CNNM2: variants seen among roughly 807,000 people sequenced by gnomAD.
CNNM2 encodes metal transporter CNNM2.
A neutral mutation model predicts 66.9 loss-of-function variants in CNNM2; 12 were observed. That is an observed-to-expected ratio of 0.18 (90% CI 0.11 to 0.29). CNNM2 has a LOEUF of 0.29. Among genes scored for constraint, CNNM2 ranks in the 10% least tolerant of loss-of-function variants. CNNM2 has a pLI of 1.00. For missense variants in CNNM2, 705 were observed against 1,167.7 expected (o/e 0.60, Z 5.77); for synonymous variants, 557 against 501.8 (o/e 1.11, Z -1.47).
At chr10:103,068,811 C>A in intron 5 of CNNM2, 89 bp downstream of exon 5, 2 of 1,035,590 alleles carry the variant, frequency 1.9e-6, no homozygotes, top group Non-Finnish European at 2.8e-6. Context: ...TATCTGCCAG[C>A]TGACCCCATT....
At chr10:102,985,151 T>C (rs1022429634) in intron 1 of CNNM2, among the ~76,000 whole-genome samples, 1 of 152,180 alleles carries the variant, frequency 6.6e-6, no homozygotes, top group African/African-American at 2.4e-5. Context: ...CTGCTTTGTG[T>C]AGGAAACCCT....
At chr10:102,948,024 G>A (rs918125777) in intron 1 of CNNM2, among the ~76,000 whole-genome samples, 6 of 152,156 alleles carry the variant, frequency 3.9e-5, no homozygotes, top group African/African-American at 1.2e-4. Flanking sequence ...CTACACTCCA[G>A]CCTGGGGATA....
chr10:102,919,119 G>A lies in CNNM2; in HGVS notation c.639G>A (p.Gly213=). 1 of 1,610,976 alleles carries A rather than the reference G, an allele frequency of 6.2e-7. No homozygotes were observed. Residue 213 remains glycine, a synonymous_variant, in exon 1 of 8, where the codon GGG becomes GGA. Transcript: ENST00000369878. ...GGSGSTGGAV[G]GKGGSGVAGL... The stretch of plus-strand genomic sequence containing the variant: ...CGGGGTCCACGGGTGGCGCCGTCGG[G>A]GGCAAGGGTGGCTCGGGGGTGGCCG...
chr10:102,986,594 A>G (rs2134236931), intron 1 of CNNM2, among the ~76,000 whole-genome samples: 1 of 150,854 alleles, frequency 6.6e-6, no homozygotes, highest in East Asian at 1.9e-4. Context: ...CATCCTGGCT[A>G]ACACGATGAA....
Position 103,089,638 on chromosome 10 carries a change from G to A in CNNM2, c.*12458G>A. 1 of 1,552,482 alleles carries A rather than the reference G, an allele frequency of 6.4e-7. No homozygotes were observed. Among genetic ancestry groups the A allele is most frequent in the Non-Finnish European group, 8.7e-7 (1 of 1,149,398 alleles). On this transcript the variant is annotated 3_prime_UTR_variant, in exon 8 of 8. Transcript: ENST00000369878. ...GTTCCTGTGAGTCCTGCCAGGACTT[G>A]TTTAATGGGTGCTTGGGGTTTTGGT...
intron 1 of CNNM2, among the ~76,000 whole-genome samples, chr10:103,033,775 G>A (rs1263429618): frequency 2.6e-5 from 4 of 152,122 alleles, no homozygotes; most frequent in East Asian, 3.9e-4. Flanking sequence ...GTGAGCCACC[G>A]TGCCCAGCCC....
Position 103,082,703 on chromosome 10 carries a change from C to T in CNNM2, c.*5523C>T, listed in dbSNP as rs966179627. Reference sequence around the variant, plus strand: ...AACAGGTTGCTGCTTTTATGTTGGCCCTAGCATCCCCAGCCCCTTTAGTTG... The same window carrying T: ...AACAGGTTGCTGCTTTTATGTTGGCTCTAGCATCCCCAGCCCCTTTAGTTG... On this transcript the variant is annotated 3_prime_UTR_variant, in exon 8 of 8. Coordinates refer to ENST00000369878, the MANE Select transcript of CNNM2 (RefSeq NM_017649.5). 6.6e-6 allele frequency: 1 copy of T among 152,086 alleles called. No individual in the cohort carries two copies. Among genetic ancestry groups the T allele is most frequent in the Non-Finnish European group, 1.5e-5 (1 of 68,042 alleles). 9.4% of individuals were successfully genotyped at this position (152,086 alleles called of 1,614,324 possible). A position where few individuals can be genotyped will look rare whatever the true frequency, so the allele number is the denominator to read the frequency against.
At chr10:103,040,425 A>G (rs1590443163) in intron 1 of CNNM2, among the ~76,000 whole-genome samples, 1 of 151,964 alleles carries the variant, frequency 6.6e-6, no homozygotes, top group East Asian at 1.9e-4. Flanking sequence ...TGGAGGTTGC[A>G]GTGTGGTGAT....
At position 102,991,619 on chromosome 10, in the gene CNNM2, G is replaced by A. The variant is rs534225542; in HGVS notation, c.1622-58088G>A. 9.9e-5 allele frequency among the ~76,000 whole-genome samples: 15 copies of A among 152,252 alleles called. No individual in the cohort carries two copies. The South Asian group carries it at 1.7e-3, about 17-fold the overall frequency. Reference sequence around the variant, plus strand: ...TGAAGTAAAGCTATACTAATTTGGAGTATCTGAAGGAGTAGAGGGAAGGCC... The same window carrying A: ...TGAAGTAAAGCTATACTAATTTGGAATATCTGAAGGAGTAGAGGGAAGGCC... On this transcript the variant is annotated intron_variant, in intron 1 of 7. Coordinates refer to ENST00000369878, the MANE Select transcript of CNNM2 (RefSeq NM_017649.5).
At chr10:103,032,177 C>T (rs145769087) in intron 1 of CNNM2, among the ~76,000 whole-genome samples, 1 of 152,218 alleles carries the variant, frequency 6.6e-6, no homozygotes, top group East Asian at 1.9e-4. Flanking sequence ...GGGCCGGGTA[C>T]GGTGACTCAT....
At position 103,088,165 on chromosome 10, in the gene CNNM2, T is replaced by C. The variant is rs2065923449; in HGVS notation, c.*10985T>C. ...AGGTCAAAGTCACCGTTAGAAATAT[T>C]ACACTTTATTGAATTCTGGAGCAGC... On this transcript the variant is annotated 3_prime_UTR_variant, in exon 8 of 8. Coordinates refer to ENST00000369878, the MANE Select transcript of CNNM2 (RefSeq NM_017649.5). The C allele has an allele frequency of 6.6e-6, 1 of 152,242 alleles. No homozygotes were observed. Among genetic ancestry groups the C allele is most frequent in the Admixed American group, 6.5e-5 (1 of 15,276 alleles). 9.4% of individuals were successfully genotyped at this position (152,242 alleles called of 1,614,324 possible).
chr10:102,998,692 G>A (rs555133801), intron 1 of CNNM2, among the ~76,000 whole-genome samples: 2 of 152,170 alleles, frequency 1.3e-5, no homozygotes, highest in Non-Finnish European at 2.9e-5. Context: ...AAACTATTAG[G>A]TTTAGGCCGG....
intron 7 of CNNM2, 93 bp from the exon 8 acceptor site, chr10:103,076,878 C>CT: frequency 8.9e-7 from 1 of 1,121,590 alleles, no homozygotes; most frequent in East Asian, 2.4e-5. Flanking sequence ...AGAGAGGCTG[C>CT]TGTGGGCCTG....
chr10:103,089,782 G>T lies in CNNM2; in HGVS notation c.*12602G>T. On this transcript the variant is annotated 3_prime_UTR_variant, in exon 8 of 8. Coordinates refer to ENST00000369878, the MANE Select transcript of CNNM2 (RefSeq NM_017649.5). ...GGAGGTTTAATCTCACTAATTGACC[G>T]TGTCAGCTGGTGCCGCTTGTAGTCA... 6.2e-7 allele frequency: 1 copy of T among 1,614,048 alleles called. No individual in the cohort carries two copies. The highest frequency in any genetic ancestry group is 8.5e-7 in the Non-Finnish European group (1 of 1,179,994).
intron 1 of CNNM2, among the ~76,000 whole-genome samples, chr10:102,944,321 G>A (rs1442710204): frequency 2.0e-5 from 3 of 151,896 alleles, no homozygotes; most frequent in African/African-American, 7.3e-5. Context: ...TCAGGTGATC[G>A]CCTGCCTTGA....
At chr10:103,022,521 A>T (rs1214342351) in intron 1 of CNNM2, among the ~76,000 whole-genome samples, 1 of 152,182 alleles carries the variant, frequency 6.6e-6, no homozygotes, top group Non-Finnish European at 1.5e-5. Context: ...GTTTAGTGAC[A>T]CTGTTAATAA....
rs144621559 is a variant in CNNM2, at chr10:103,019,696, T to TAAA, written c.1622-30010_1622-30008dup. ...GAATAGTTTTACCAGGAGCAACTAT[T>TAAA]AAACATATGATAGAATGAATCATTG... On this transcript the variant is annotated intron_variant, in intron 1 of 7. Coordinates refer to ENST00000369878, the MANE Select transcript of CNNM2 (RefSeq NM_017649.5). 2.3e-3 allele frequency among the ~76,000 whole-genome samples: 348 copies of TAAA among 152,248 alleles called. 4 individuals carry two copies. Among genetic ancestry groups the TAAA allele is most frequent in the African/African-American group, 7.9e-3 (330 of 41,542 alleles).
intron 1 of CNNM2, among the ~76,000 whole-genome samples, chr10:102,931,084 T>G (rs559321554): frequency 7.2e-5 from 11 of 152,334 alleles, no homozygotes; most frequent in South Asian, 2.1e-4. Context: ...TGATTTAGTT[T>G]GGGCATGTTA....
chr10:102,969,001 C>T (rs551362352), intron 1 of CNNM2, among the ~76,000 whole-genome samples: 2 of 150,764 alleles, frequency 1.3e-5, no homozygotes, highest in Non-Finnish European at 2.9e-5. Flanking sequence ...GCAGTCTCCA[C>T]CTCCTGGGCT....
Sources: allele counts gnomAD v4.1 joint callset (sites outside exome capture counted in the v4.1 genomes callset), GRCh38; gene constraint gnomAD v4.1.1; transcripts MANE v1.5; gene names NCBI Gene and HGNC (gene_info 2026-07-23, HGNC 2026-07-21).